The following DTD1 variants were observed in gnomAD, a reference collection of about 807,000 sequenced individuals.
DTD1 encodes D-tyrosyl-tRNA deacylase 1 homolog.
In DTD1, 13 loss-of-function variants were observed where a neutral mutation model predicts 25.6. That is an observed-to-expected ratio of 0.51 (90% CI 0.33 to 0.81). The LOEUF (loss-of-function observed/expected upper bound fraction) is 0.81. Ranked by LOEUF, DTD1 falls within the 30% of genes least tolerant of loss-of-function variation. The pLI is 0.02. For synonymous variants in DTD1, 110 were observed against 103.6 expected (o/e 1.06, Z -0.37); for missense variants, 193 against 266.4 (o/e 0.72, Z 1.92).
chr20:18,643,263 G>T, intron 4 of DTD1: 2 of 333,364 alleles, frequency 6.0e-6, no homozygotes, highest in Non-Finnish European at 1.2e-5. Flanking sequence ...CAATCCCAGG[G>T]TATGGGTTTT....
intron 5 of DTD1, among the ~76,000 whole-genome samples, chr20:18,761,018 G>A (rs191683604): frequency 6.6e-5 from 10 of 152,316 alleles, no homozygotes; most frequent in East Asian, 3.9e-4. Context: ...CTCTGTGGGC[G>A]TAGGACCCTC....
intron 4 of DTD1, among the ~76,000 whole-genome samples, chr20:18,701,332 C>G (rs563131350): frequency 6.6e-6 from 1 of 152,142 alleles, no homozygotes; most frequent in South Asian, 2.1e-4. Flanking sequence ...AACAAGCACC[C>G]CAATAAGGGG....
chr20:18,642,510 A>G (rs1351512460), intron 4 of DTD1, among the ~76,000 whole-genome samples: 2 of 151,886 alleles, frequency 1.3e-5, no homozygotes, highest in Non-Finnish European at 2.9e-5. Flanking sequence ...CTCAAGCAAT[A>G]TTCCTACCTC....
At chr20:18,753,061 T>C (rs1403380369) in intron 5 of DTD1, among the ~76,000 whole-genome samples, 1 of 152,204 alleles carries the variant, frequency 6.6e-6, no homozygotes, top group East Asian at 1.9e-4. Flanking sequence ...AGAGCCAGGC[T>C]TACAAATAAT....
intron 5 of DTD1, among the ~76,000 whole-genome samples, chr20:18,760,825 C>A (rs13036345): frequency 0.14 from 21,928 of 152,076 alleles, 1,691 homozygotes; most frequent in Admixed American, 0.2. Flanking sequence ...TGTGCCCTGT[C>A]CCCAGAGGTG....
chr20:18,595,152 C>T (rs891752159), intron 2 of DTD1, among the ~76,000 whole-genome samples: 3 of 152,228 alleles, frequency 2.0e-5, no homozygotes, highest in African/African-American at 7.2e-5. Flanking sequence ...ATAGGGAAAG[C>T]CCCTCTGGGG....
intron 3 of DTD1, among the ~76,000 whole-genome samples, chr20:18,610,121 A>G (rs1386818710): frequency 1.3e-5 from 2 of 152,260 alleles, no homozygotes; most frequent in East Asian, 1.9e-4. Context: ...TCAGAAAAGC[A>G]TAAGTGAAGG....
chr20:18,750,839 G>C (rs546284732), intron 5 of DTD1, among the ~76,000 whole-genome samples: 90 of 152,344 alleles, frequency 5.9e-4, no homozygotes, highest in African/African-American at 2.0e-3. Flanking sequence ...GCAGGGTCAA[G>C]TATTACCTCA....
At chr20:18,649,594 C>T (rs543013645) in intron 4 of DTD1, among the ~76,000 whole-genome samples, 1 of 152,034 alleles carries the variant, frequency 6.6e-6, no homozygotes, top group Admixed American at 6.6e-5. Flanking sequence ...GCCTTGGCCT[C>T]CCAAAGCCAT....
chr20:18,755,530 T>C (rs1367231788), intron 5 of DTD1, among the ~76,000 whole-genome samples: 2 of 152,228 alleles, frequency 1.3e-5, no homozygotes, highest in East Asian at 3.8e-4. Flanking sequence ...TTTGGTTTTT[T>C]GTCCTTGGCG....
At chr20:18,590,246 T>C (rs565151412) in intron 1 of DTD1, among the ~76,000 whole-genome samples, 17 of 152,308 alleles carry the variant, frequency 1.1e-4, no homozygotes, top group South Asian at 2.1e-4. Context: ...GGCACTATTA[T>C]AGCTTACTAC....
chr20:18,617,073 C>T (rs2060711945), intron 3 of DTD1, among the ~76,000 whole-genome samples: 1 of 152,076 alleles, frequency 6.6e-6, no homozygotes, highest in African/African-American at 2.4e-5. Context: ...CACTTCTGGC[C>T]ATGAATTGCA....
intron 4 of DTD1, among the ~76,000 whole-genome samples, chr20:18,657,661 C>T (rs978740335): frequency 6.6e-6 from 1 of 152,206 alleles, no homozygotes; most frequent in Non-Finnish European, 1.5e-5. Context: ...ACAGATATGT[C>T]TATTAGTCAT....
chr20:18,687,426 G>C (rs549649868), intron 4 of DTD1, among the ~76,000 whole-genome samples: 14 of 152,346 alleles, frequency 9.2e-5, no homozygotes, highest in South Asian at 6.2e-4. Flanking sequence ...TTGCTGAAGT[G>C]CCTTCTGATA....
chr20:18,621,004 G>A lies in DTD1; in HGVS notation c.371-7123G>A, dbSNP rs1445090562. On this transcript the variant is annotated intron_variant, in intron 3 of 5. Transcript: ENST00000377452. ...TTACATAGTACAGTTATCAAAATGA[G>A]GAAATTAACACTGATAACATACTAT... is the stretch of plus-strand genomic sequence containing the variant. Among the ~76,000 whole-genome samples, 5 of 152,294 alleles carry A rather than the reference G, an allele frequency of 3.3e-5. No homozygotes were observed. In the East Asian group the frequency reaches 9.6e-4, roughly 29 times the overall value.
chr20:18,707,025 G>C (rs1240334414), intron 4 of DTD1, among the ~76,000 whole-genome samples: 3 of 152,362 alleles, frequency 2.0e-5, no homozygotes, highest in Non-Finnish European at 4.4e-5. Context: ...GAGCAGTGGT[G>C]TGGGGTGGAT....
At chr20:18,719,940 C>T (rs1398148864) in intron 4 of DTD1, among the ~76,000 whole-genome samples, 1 of 152,200 alleles carries the variant, frequency 6.6e-6, no homozygotes, top group Non-Finnish European at 1.5e-5. Flanking sequence ...GCTACATTTA[C>T]TCAGTTAAAA....
chr20:18,625,804 T>A (rs2122306656), intron 3 of DTD1, among the ~76,000 whole-genome samples: 1 of 152,284 alleles, frequency 6.6e-6, no homozygotes, highest in African/African-American at 2.4e-5. Flanking sequence ...GCCTGTGGGG[T>A]GAGAATGCCT....
chr20:18,715,604 A>G (rs1240346368), intron 4 of DTD1, among the ~76,000 whole-genome samples: 1 of 152,226 alleles, frequency 6.6e-6, no homozygotes. Context: ...TACTATTTCT[A>G]TTCTGGTGGG....
Sources: gnomAD v4.1 joint callset for allele counts (sites outside exome capture counted in the v4.1 genomes callset) on GRCh38, gnomAD v4.1.1 for gene constraint, MANE v1.5 for transcripts, NCBI Gene and HGNC (gene_info 2026-07-23, HGNC 2026-07-21) for gene names.